The following FAM168A variants were observed in gnomAD, a reference collection of about 807,000 sequenced individuals.
FAM168A encodes the protein protein FAM168A.
A neutral mutation model predicts 28.5 loss-of-function variants in FAM168A; 3 were observed. That is an observed-to-expected ratio of 0.11 (90% CI 0.05 to 0.27). The LOEUF (loss-of-function observed/expected upper bound fraction) is 0.27, where lower values mean the gene tolerates loss of function less well. Ranked by LOEUF, FAM168A falls within the 10% of genes least tolerant of loss-of-function variation. The pLI, the probability that FAM168A is intolerant of heterozygous loss-of-function variation, is 1.00. For missense variants in FAM168A, 222 were observed against 311.5 expected (o/e 0.71, Z 2.16); for synonymous variants, 122 against 124.2 (o/e 0.98, Z 0.12).
At chr11:73,523,606 C>G (rs1208940801) in intron 1 of FAM168A, among the ~76,000 whole-genome samples, 1 of 152,022 alleles carries the variant, frequency 6.6e-6, no homozygotes, top group Non-Finnish European at 1.5e-5. Context: ...AGCACCATGC[C>G]TGGTTAATTT....
intron 1 of FAM168A, among the ~76,000 whole-genome samples, chr11:73,548,945 T>C (rs1943793070): frequency 6.6e-6 from 1 of 151,836 alleles, no homozygotes; most frequent in South Asian, 2.1e-4. Flanking sequence ...TCCATAGACA[T>C]TTCTCTTTTT....
At chr11:73,557,991 AC>A (rs1943910050) in intron 1 of FAM168A, among the ~76,000 whole-genome samples, 1 of 152,172 alleles carries the variant, frequency 6.6e-6, no homozygotes, top group Admixed American at 6.6e-5. Context: ...ATGAAGCTGG[AC>A]CCCTACCTCA....
At position 73,447,557 on chromosome 11, in the gene FAM168A, CAAA is replaced by C. The variant is rs1183575850; in HGVS notation, c.71-16790_71-16788del. ...GGCAACAGAGTGTAAGACCCTGTCT[CAAA>C]AAAAAAAAAAAAAAAAAATTCACCC... is the stretch of plus-strand genomic sequence containing the variant. On this transcript the variant is annotated intron_variant, in intron 2 of 7. Coordinates refer to ENST00000356467, the MANE Select transcript of FAM168A (RefSeq NM_015159.3). Among the ~76,000 whole-genome samples the C allele has an allele frequency of 1.2e-3, 109 of 89,484 alleles. 2 individuals are homozygous for C. The highest frequency in any genetic ancestry group is 3.4e-3 in the African/African-American group (92 of 27,240). 58.7% of individuals were successfully genotyped at this position (89,484 alleles called of 152,430 possible).
rs148597827 is a variant in FAM168A, at chr11:73,453,898, A to G, written c.70+14507T>C. Among the ~76,000 whole-genome samples, 180 of 152,384 alleles carry G rather than the reference A, an allele frequency of 1.2e-3. 1 individual carries two copies. Among genetic ancestry groups the G allele is most frequent in the African/African-American group, 4.1e-3 (169 of 41,594 alleles). On this transcript the variant is annotated intron_variant, in intron 2 of 7. Transcript: ENST00000356467. ...TATCACCATTGATTAAGGACCATAC[A>G]TAACTAATAGAAAGCTAAATTAAAT...
chr11:73,594,760 C>G (rs1944424906), intron 1 of FAM168A, among the ~76,000 whole-genome samples: 1 of 152,144 alleles, frequency 6.6e-6, no homozygotes, highest in Non-Finnish European at 1.5e-5. Flanking sequence ...AACTCCTGAC[C>G]TCAAGTGATC....
intron 1 of FAM168A, among the ~76,000 whole-genome samples, chr11:73,521,052 T>C (rs1943368556): frequency 6.6e-6 from 1 of 152,180 alleles, no homozygotes; most frequent in Admixed American, 6.5e-5. Context: ...AAGTGATAAA[T>C]GAGCTGATAA....
intron 1 of FAM168A, among the ~76,000 whole-genome samples, chr11:73,526,770 C>T (rs1943451673): frequency 6.8e-6 from 1 of 147,300 alleles, no homozygotes; most frequent in South Asian, 2.2e-4. Flanking sequence ...AAGCTAGGTT[C>T]ACCATATGAC....
intron 1 of FAM168A, among the ~76,000 whole-genome samples, chr11:73,484,556 A>ATATC (rs1868017306): frequency 7.0e-6 from 1 of 143,852 alleles, no homozygotes; most frequent in African/African-American, 2.5e-5. Context: ...ATCTATATCT[A>ATATC]TATATCTATA....
intron 2 of FAM168A, among the ~76,000 whole-genome samples, chr11:73,438,931 T>C (rs1277659078): frequency 6.6e-6 from 1 of 152,090 alleles, no homozygotes; most frequent in Non-Finnish European, 1.5e-5. Flanking sequence ...CTGCAGGGTT[T>C]GCAAGTACTA....
intron 1 of FAM168A, among the ~76,000 whole-genome samples, chr11:73,497,067 T>C (rs1023404486): frequency 1.3e-5 from 2 of 152,238 alleles, no homozygotes; most frequent in Non-Finnish European, 2.9e-5. Context: ...ATTTGATTTC[T>C]GCATCGAAAG....
intron 2 of FAM168A, 34 bp from the exon 3 acceptor site, chr11:73,430,804 G>A (rs1339691392): frequency 2.0e-6 from 3 of 1,500,494 alleles, no homozygotes; most frequent in East Asian, 2.4e-5. Flanking sequence ...TATTTAGTTA[G>A]GCAAAAAAAA....
At chr11:73,543,066 C>T (rs1456749472) in intron 1 of FAM168A, among the ~76,000 whole-genome samples, 3 of 152,000 alleles carry the variant, frequency 2.0e-5, no homozygotes, top group Non-Finnish European at 4.4e-5. Flanking sequence ...TCAGCAAGGC[C>T]TAAGTTAACT....
At chr11:73,570,774 T>G (rs1411442479) in intron 1 of FAM168A, among the ~76,000 whole-genome samples, 1 of 151,688 alleles carries the variant, frequency 6.6e-6, no homozygotes, top group Non-Finnish European at 1.5e-5. Flanking sequence ...AAAAAAATAT[T>G]TAAGTATCAT....
At chr11:73,474,691 A>AGTAAGGTC (rs1394049177) in intron 1 of FAM168A, among the ~76,000 whole-genome samples, 18 of 152,190 alleles carry the variant, frequency 1.2e-4, no homozygotes, top group Admixed American at 9.2e-4. Flanking sequence ...CCCCCATTAG[A>AGTAAGGTC]GTAAGGTCCA....
At chr11:73,497,856 C>A (rs1854924447) in intron 1 of FAM168A, among the ~76,000 whole-genome samples, 1 of 152,132 alleles carries the variant, frequency 6.6e-6, no homozygotes, top group Admixed American at 6.5e-5. Flanking sequence ...ACATATGTAA[C>A]AAACCTGCAC....
intron 1 of FAM168A, among the ~76,000 whole-genome samples, chr11:73,578,783 T>C (rs1289402328): frequency 6.6e-6 from 1 of 152,240 alleles, no homozygotes; most frequent in African/African-American, 2.4e-5. Context: ...GTCTTTGGCA[T>C]CACACAAACC....
rs1166989095 is a variant in FAM168A, at chr11:73,403,166, A to G, written c.*3597T>C. ...CTCTGCTAAATATTCAGGAAAGAGG[A>G]TATACATTTTAGGGTCATTGCCAGG... On this transcript the variant is annotated 3_prime_UTR_variant, in exon 8 of 8. Coordinates refer to ENST00000356467, the MANE Select transcript of FAM168A (RefSeq NM_015159.3). 1 of 152,210 alleles carries G rather than the reference A, an allele frequency of 6.6e-6. No individual in the cohort carries two copies. The highest frequency in any genetic ancestry group is 1.5e-5 in the Non-Finnish European group (1 of 68,038). The allele number at this position is 152,210 out of a possible 1,614,324, so 9.4% of individuals were successfully genotyped here. A position where few individuals can be genotyped will look rare whatever the true frequency, so the allele number is the denominator to read the frequency against.
chr11:73,535,579 C>T (rs1018675835), intron 1 of FAM168A, among the ~76,000 whole-genome samples: 4 of 151,906 alleles, frequency 2.6e-5, no homozygotes, highest in Non-Finnish European at 5.9e-5. Context: ...GCCACCACAC[C>T]CGGCTAATTT....
chr11:73,579,090 G>C (rs973145794), intron 1 of FAM168A, among the ~76,000 whole-genome samples: 65 of 152,294 alleles, frequency 4.3e-4, no homozygotes, highest in African/African-American at 1.4e-3. Context: ...GAGAGAGGAA[G>C]TAAGCTCTCT....
Sources: allele counts gnomAD v4.1 joint callset (sites outside exome capture counted in the v4.1 genomes callset), GRCh38; gene constraint gnomAD v4.1.1; transcripts MANE v1.5; gene names NCBI Gene and HGNC (gene_info 2026-07-23, HGNC 2026-07-21).